Variants in CTNND2 observed in about 807,000 individuals in gnomAD.
CTNND2 encodes catenin delta-2.
A neutral mutation model predicts 144.4 loss-of-function variants in CTNND2; 22 were observed. The observed-to-expected ratio is 0.15, with a 90% confidence interval of 0.11 to 0.22. The LOEUF (loss-of-function observed/expected upper bound fraction) is 0.22, where lower values mean the gene tolerates loss of function less well. CTNND2 is among the 10% of genes least tolerant of loss of function. The probability of loss-of-function intolerance (pLI) is 1.00; values close to 1 mark genes in which losing one functional copy is unlikely to be tolerated. For synonymous variants in CTNND2, 751 were observed against 695.6 expected, an observed-to-expected ratio of 1.08 and a Z score of -1.25; for missense variants, 1,353 against 1,618.8, an observed-to-expected ratio of 0.84 and a Z score of 2.82.
intron 1 of CTNND2, among the ~76,000 whole-genome samples, chr5:11,778,306 G>A (rs1400902317): frequency 1.3e-5 from 2 of 152,056 alleles, no homozygotes; most frequent in African/African-American, 4.8e-5. Context: ...AAGCAGAGCT[G>A]GGCGGGGCAG....
intron 9 of CTNND2, among the ~76,000 whole-genome samples, chr5:11,330,483 C>CAAAAAAAAAAA (rs10627159): frequency 2.3e-5 from 1 of 43,442 alleles, no homozygotes; most frequent in African/African-American, 8.9e-5. Context: ...GACTCCGTCT[C>CAAAAAAAAAAA]AAAAAAAAAA....
intron 2 of CTNND2, among the ~76,000 whole-genome samples, chr5:11,675,548 A>G (rs1784130491): frequency 6.6e-6 from 1 of 151,446 alleles, no homozygotes; most frequent in Admixed American, 6.6e-5. Flanking sequence ...CCAATTTTTA[A>G]CTCTTTTTAA....
At chr5:11,212,575 T>C (rs1266962084) in intron 10 of CTNND2, among the ~76,000 whole-genome samples, 2 of 152,226 alleles carry the variant, frequency 1.3e-5, no homozygotes, top group Non-Finnish European at 2.9e-5. Context: ...TTTTTCATAC[T>C]AATAAAGACT....
intron 3 of CTNND2, among the ~76,000 whole-genome samples, chr5:11,473,171 A>T (rs1184086063): frequency 1.3e-5 from 2 of 152,234 alleles, no homozygotes; most frequent in Non-Finnish European, 2.9e-5. Flanking sequence ...AATGGAATTC[A>T]TTTTACAGCC....
At chr5:11,239,685 C>T (rs61750722) in intron 9 of CTNND2, among the ~76,000 whole-genome samples, 206 of 152,364 alleles carry the variant, frequency 1.4e-3, no homozygotes, top group African/African-American at 4.6e-3. Context: ...TCCTGCCTCA[C>T]AGGCTTCTGC....
At chr5:11,382,595 CTGTG>C (rs71582432) in intron 7 of CTNND2, among the ~76,000 whole-genome samples, 17,122 of 129,366 alleles carry the variant, frequency 0.13, 1,169 homozygotes, top group African/African-American at 0.17. Flanking sequence ...GAGTGAGACT[CTGTG>C]TGTGTGTGTG....
At chr5:11,552,866 C>T (rs1775884803) in intron 3 of CTNND2, among the ~76,000 whole-genome samples, 1 of 152,162 alleles carries the variant, frequency 6.6e-6, no homozygotes, top group Non-Finnish European at 1.5e-5. Flanking sequence ...TTCCAATGTT[C>T]TATAATGACC....
intron 2 of CTNND2, among the ~76,000 whole-genome samples, chr5:11,596,740 G>A (rs1298205983): frequency 6.6e-6 from 1 of 152,182 alleles, no homozygotes; most frequent in Non-Finnish European, 1.5e-5. Context: ...GATGCGTAGA[G>A]GGTAGTGGTT....
intron 2 of CTNND2, among the ~76,000 whole-genome samples, chr5:11,701,100 A>C (rs1785412283): frequency 1.3e-5 from 2 of 152,234 alleles, no homozygotes. Context: ...TGACGTCTAA[A>C]GAAATTGTCA....
intron 2 of CTNND2, among the ~76,000 whole-genome samples, chr5:11,718,980 A>G (rs1786511323): frequency 6.6e-6 from 1 of 152,224 alleles, no homozygotes; most frequent in Non-Finnish European, 1.5e-5. Flanking sequence ...GCTGATATCA[A>G]CTGAGGAGCA....
chr5:11,009,403 G>T (rs954023907), intron 18 of CTNND2, among the ~76,000 whole-genome samples: 4 of 152,238 alleles, frequency 2.6e-5, no homozygotes, highest in African/African-American at 9.6e-5. Flanking sequence ...GAGAAGGGGA[G>T]GGAGAAGAGA....
At chr5:11,021,818 G>C (rs1742286210) in intron 17 of CTNND2, among the ~76,000 whole-genome samples, 1 of 151,530 alleles carries the variant, frequency 6.6e-6, no homozygotes, top group Admixed American at 6.6e-5. Flanking sequence ...AGAATGGGGG[G>C]TGGGGGTGGC....
intron 16 of CTNND2, among the ~76,000 whole-genome samples, chr5:11,031,676 G>A (rs1257052184): frequency 1.3e-5 from 2 of 152,162 alleles, no homozygotes; most frequent in Non-Finnish European, 2.9e-5. Flanking sequence ...CACCCTCAAG[G>A]TGGGTGGGCA....
chr5:11,309,962 T>G (rs1246699203), intron 9 of CTNND2, among the ~76,000 whole-genome samples: 1 of 152,058 alleles, frequency 6.6e-6, no homozygotes, highest in Non-Finnish European at 1.5e-5. Flanking sequence ...CTGCCATTAT[T>G]GTAAGTTTCC....
chr5:11,147,913 A>AC (rs1336090556), intron 12 of CTNND2, among the ~76,000 whole-genome samples: 1 of 152,248 alleles, frequency 6.6e-6, no homozygotes, highest in Non-Finnish European at 1.5e-5. Context: ...AAGAGTGAAC[A>AC]CAGCTCACAT....
intron 1 of CTNND2, among the ~76,000 whole-genome samples, chr5:11,832,080 G>A (rs555931681): frequency 1.3e-5 from 2 of 151,980 alleles, no homozygotes; most frequent in African/African-American, 2.4e-5. Flanking sequence ...TCAAGAGATC[G>A]AGACCATCCT....
chr5:11,409,112 TA>T (rs1761319377), intron 5 of CTNND2, among the ~76,000 whole-genome samples: 2 of 152,182 alleles, frequency 1.3e-5, no homozygotes, highest in South Asian at 4.1e-4. Flanking sequence ...CTGTTTTTAC[TA>T]AAAAATGTTC....
At chr5:11,540,794 T>G in intron 3 of CTNND2, among the ~76,000 whole-genome samples, 1 of 152,254 alleles carries the variant, frequency 6.6e-6, no homozygotes, top group Non-Finnish European at 1.5e-5. Context: ...CTTAACATAG[T>G]TTTTTCCTAC....
At chr5:11,073,138 T>C (rs1463741220) in intron 16 of CTNND2, among the ~76,000 whole-genome samples, 2 of 152,262 alleles carry the variant, frequency 1.3e-5, no homozygotes, top group African/African-American at 2.4e-5. Flanking sequence ...ATTTTTAGTA[T>C]TCAAGAGTAA....
Sources: gnomAD v4.1 joint callset for allele counts (sites outside exome capture counted in the v4.1 genomes callset) on GRCh38, gnomAD v4.1.1 for gene constraint, MANE v1.5 for transcripts, NCBI Gene and HGNC (gene_info 2026-07-23, HGNC 2026-07-21) for gene names.